The following CTNNA3 variants were observed in gnomAD, a reference collection of about 807,000 sequenced individuals.
CTNNA3 encodes catenin alpha-3.
In CTNNA3, 76 loss-of-function variants were observed where a neutral mutation model predicts 95.7. The observed-to-expected ratio is 0.79, with a 90% CI of 0.66 to 0.96. The LOEUF (loss-of-function observed/expected upper bound fraction) is 0.96. Among genes scored for constraint, CTNNA3 ranks in the 40% least tolerant of loss-of-function variants. The pLI, the probability that CTNNA3 is intolerant of heterozygous loss-of-function variation, is 0.00. For missense variants in CTNNA3, 1,191 were observed against 1,089.8 expected (o/e 1.09, Z -1.31); for synonymous variants, 431 against 374.4 (o/e 1.15, Z -1.74).
intron 7 of CTNNA3, among the ~76,000 whole-genome samples, chr10:66,819,694 A>C (rs1842229720): frequency 6.6e-6 from 1 of 152,230 alleles, no homozygotes; most frequent in Admixed American, 6.5e-5. Flanking sequence ...GATTTGACTA[A>C]ACATTTTTCT....
intron 12 of CTNNA3, among the ~76,000 whole-genome samples, chr10:66,283,446 C>A (rs2091529162): frequency 6.6e-6 from 1 of 151,292 alleles, no homozygotes. Flanking sequence ...TAGATTTTGG[C>A]AAAAAAAGAA....
chr10:67,503,043 T>C (rs891101722), intron 5 of CTNNA3, among the ~76,000 whole-genome samples: 1 of 152,176 alleles, frequency 6.6e-6, no homozygotes, highest in African/African-American at 2.4e-5. Context: ...GCTAGCTCAG[T>C]GTCTGCCCAA....
At chr10:67,551,647 G>T (rs1349260126) in intron 3 of CTNNA3, among the ~76,000 whole-genome samples, 1 of 152,208 alleles carries the variant, frequency 6.6e-6, no homozygotes, top group Non-Finnish European at 1.5e-5. Context: ...CACTGTTGTG[G>T]GGTTGGAGCC....
intron 5 of CTNNA3, among the ~76,000 whole-genome samples, chr10:67,307,227 CA>C (rs1356528780): frequency 6.6e-6 from 1 of 152,042 alleles, no homozygotes; most frequent in Non-Finnish European, 1.5e-5. Context: ...CAAAAAAATG[CA>C]AATGGATTCT....
intron 11 of CTNNA3, among the ~76,000 whole-genome samples, chr10:66,402,121 A>G (rs568298998): frequency 1.7e-4 from 26 of 152,328 alleles, no homozygotes; most frequent in Admixed American, 2.6e-4. Flanking sequence ...CATTTGTTCA[A>G]TATAATGGTT....
intron 5 of CTNNA3, among the ~76,000 whole-genome samples, chr10:67,355,409 A>G (rs1842773772): frequency 6.6e-6 from 1 of 152,064 alleles, no homozygotes; most frequent in Non-Finnish European, 1.5e-5. Context: ...TACATTACCT[A>G]GTTTTATTTA....
intron 12 of CTNNA3, among the ~76,000 whole-genome samples, chr10:66,374,591 T>C (rs1010881111): frequency 6.6e-6 from 1 of 151,120 alleles, no homozygotes; most frequent in Non-Finnish European, 1.5e-5. Flanking sequence ...TCATATTCCA[T>C]TTTGAAAGAA....
At chr10:66,448,877 C>T (rs1472220652) in intron 11 of CTNNA3, among the ~76,000 whole-genome samples, 1 of 151,684 alleles carries the variant, frequency 6.6e-6, no homozygotes, top group Non-Finnish European at 1.5e-5. Flanking sequence ...ACTTTAATGA[C>T]CTTTTGATCT....
At chr10:67,008,733 G>T (rs1852155499) in intron 7 of CTNNA3, among the ~76,000 whole-genome samples, 1 of 152,116 alleles carries the variant, frequency 6.6e-6, no homozygotes, top group South Asian at 2.1e-4. Context: ...CCTCCAGTAG[G>T]CTAGCTCAGG....
At chr10:66,703,924 G>C (rs750091552) in intron 9 of CTNNA3, among the ~76,000 whole-genome samples, 1 of 152,096 alleles carries the variant, frequency 6.6e-6, no homozygotes, top group African/African-American at 2.4e-5. Context: ...ACCAGAAGAT[G>C]CTTTATCACT....
chr10:66,103,612 G>A (rs917611271), intron 13 of CTNNA3, among the ~76,000 whole-genome samples: 1 of 152,146 alleles, frequency 6.6e-6, no homozygotes, highest in African/African-American at 2.4e-5. Context: ...CTAAGTGAAG[G>A]GAGCCAGCCA....
chr10:67,452,061 T>TGGAAGGAA (rs59544939), intron 5 of CTNNA3, among the ~76,000 whole-genome samples: 7,749 of 120,980 alleles, frequency 0.064, 298 homozygotes, highest in African/African-American at 0.091. Context: ...GAGGGAGGAA[T>TGGAAGGAA]GGAAGGAAGG....
chr10:66,425,330 A>G (rs1457164890), intron 11 of CTNNA3, among the ~76,000 whole-genome samples: 1 of 151,908 alleles, frequency 6.6e-6, no homozygotes, highest in Non-Finnish European at 1.5e-5. Context: ...ATGATTATTG[A>G]ACATATTTAA....
chr10:67,034,027 C>T (rs1038728053), intron 7 of CTNNA3, among the ~76,000 whole-genome samples: 1 of 152,192 alleles, frequency 6.6e-6, no homozygotes, highest in Admixed American at 6.5e-5. Flanking sequence ...CTGCCTCGGC[C>T]TTCCAACGTG....
At chr10:66,494,120 C>G (rs779269698) in intron 11 of CTNNA3, among the ~76,000 whole-genome samples, 44 of 147,346 alleles carry the variant, frequency 3.0e-4, no homozygotes, top group Middle Eastern at 3.9e-3. Flanking sequence ...GTTGGCCAGG[C>G]TGGTCTCGAA....
chr10:67,675,840 T>G (rs1033485512), intron 1 of CTNNA3, among the ~76,000 whole-genome samples: 2 of 152,172 alleles, frequency 1.3e-5, no homozygotes, highest in Non-Finnish European at 2.9e-5. Context: ...TATTGTTTTT[T>G]CAGTCTTTTA....
At chr10:66,504,217 CCA>C (rs1589345602) in intron 11 of CTNNA3, among the ~76,000 whole-genome samples, 1 of 152,230 alleles carries the variant, frequency 6.6e-6, no homozygotes, top group East Asian at 1.9e-4. Flanking sequence ...TCTCCCTTTA[CCA>C]GCAGTCCTTG....
intron 11 of CTNNA3, among the ~76,000 whole-genome samples, chr10:66,456,914 T>A (rs1343920474): frequency 1.3e-5 from 2 of 151,952 alleles, no homozygotes; most frequent in African/African-American, 4.8e-5. Context: ...GGTAACATAG[T>A]GAAAACCCAT....
chr10:67,114,628 A>G (rs1859075397), intron 7 of CTNNA3, among the ~76,000 whole-genome samples: 1 of 152,018 alleles, frequency 6.6e-6, no homozygotes, highest in Admixed American at 6.6e-5. Flanking sequence ...TTAATCCAGT[A>G]GTTCTTAATT....
Sources: allele counts gnomAD v4.1 joint callset (sites outside exome capture counted in the v4.1 genomes callset), GRCh38; gene constraint gnomAD v4.1.1; transcripts MANE v1.5; gene names NCBI Gene and HGNC (gene_info 2026-07-23, HGNC 2026-07-21).